RNF220: variants seen among roughly 807,000 people sequenced by gnomAD.
RNF220 encodes E3 ubiquitin-protein ligase RNF220.
Under a neutral mutation model 67.1 loss-of-function variants are expected in RNF220, and 7 were observed. The observed-to-expected ratio is 0.10, with a 90% CI of 0.06 to 0.20. The LOEUF is 0.20. RNF220 is among the 10% of genes least tolerant of loss of function. The pLI is 1.00. For missense variants in RNF220, 565 were observed against 740.3 expected, an observed-to-expected ratio of 0.76 and a Z score of 2.75; for synonymous variants, 270 against 283.2, an observed-to-expected ratio of 0.95 and a Z score of 0.47.
At chr1:44,407,918 C>T (rs1203306269) in intron 1 of RNF220, among the ~76,000 whole-genome samples, 2 of 152,156 alleles carry the variant, frequency 1.3e-5, no homozygotes, top group Admixed American at 6.5e-5. Flanking sequence ...GAGCCCCTGC[C>T]CCGCGGGCCC....
rs901956453 is a variant in RNF220 at position 44,651,312 on chromosome 1, A to G, written c.*537A>G. 14 of 177,378 alleles carry G rather than the reference A, an allele frequency of 7.9e-5. No homozygotes were observed. Among genetic ancestry groups the G allele is most frequent in the Admixed American group, 4.3e-4 (8 of 18,576 alleles). 11.0% of individuals were successfully genotyped at this position (177,378 alleles called of 1,614,324 possible). ...GCTCGGCCCATCCACCTCTTGGGGT[A>G]CCTGCCTCTCTCTCTCCTGTGGTGT... On this transcript the variant is annotated 3_prime_UTR_variant, in exon 15 of 15. Coordinates refer to ENST00000361799, the MANE Select transcript of RNF220 (RefSeq NM_018150.4).
rs1401877975 is a variant in RNF220 at position 44,651,431 on chromosome 1, G to A, written c.*656G>A. 1 of 154,258 alleles carries A rather than the reference G, an allele frequency of 6.5e-6. No homozygotes were observed. The highest frequency in any genetic ancestry group is 1.4e-5 in the Non-Finnish European group (1 of 69,030). 9.6% of individuals were successfully genotyped at this position (154,258 alleles called of 1,614,324 possible). On this transcript the variant is annotated 3_prime_UTR_variant, in exon 15 of 15. Coordinates refer to ENST00000361799, the MANE Select transcript of RNF220 (RefSeq NM_018150.4). ...CCCAAGGGACATGATCCTCTCCTTA[G>A]TCTTAGCTCATGGGGCTCTTTATAA...
chr1:44,610,604 G>T (rs1573036751), intron 2 of RNF220, among the ~76,000 whole-genome samples: 1 of 152,232 alleles, frequency 6.6e-6, no homozygotes, highest in East Asian at 1.9e-4. Flanking sequence ...GTTGGGGAGT[G>T]TCATGAGCTG....
At position 44,621,019 on chromosome 1, in the gene RNF220, G is replaced by A. The variant is rs1177540070; in HGVS notation, c.759-1723G>A. On this transcript the variant is annotated intron_variant, in intron 3 of 14. Coordinates refer to ENST00000361799, the MANE Select transcript of RNF220 (RefSeq NM_018150.4). This position sits in a 1 kb window ranked among gnomAD's most constrained non-coding sequence, Gnocchi z 4.8. ...CAACTTCTCCCTCCTGGATTCAAGCGATTCTCCTGCCTCAGCCTCCCGAGT... is the reference window on the plus strand; with the variant it reads ...CAACTTCTCCCTCCTGGATTCAAGCAATTCTCCTGCCTCAGCCTCCCGAGT... 6.6e-6 allele frequency among the ~76,000 whole-genome samples: 1 copy of A among 151,328 alleles called. No individual in the cohort carries two copies. Among genetic ancestry groups the A allele is most frequent in the Non-Finnish European group, 1.5e-5 (1 of 67,904 alleles).
Position 44,491,952 on chromosome 1 carries a change from C to T in RNF220, c.625+79230C>T, listed in dbSNP as rs1287882626. Among the ~76,000 whole-genome samples, 4 of 152,170 alleles carry T rather than the reference C, an allele frequency of 2.6e-5. No homozygotes were observed. The East Asian group carries it at 7.7e-4, about 29-fold the overall frequency. On this transcript the variant is annotated intron_variant, in intron 2 of 14. Transcript: ENST00000361799. ...GTGCTGGAATTACAGGTGTGAGCCA[C>T]TGTGCCTGGCTGGATATCCACTCTT...
intron 2 of RNF220, among the ~76,000 whole-genome samples, chr1:44,586,906 T>C (rs1052387146): frequency 1.1e-4 from 16 of 152,192 alleles, no homozygotes; most frequent in Admixed American, 1.3e-4. Flanking sequence ...AAGAGAGAAG[T>C]GGCTAACTCC....
At chr1:44,644,647 C>A (rs770481596) in intron 8 of RNF220, 51 bp from the exon 9 acceptor site, 2 of 1,479,158 alleles carry the variant, frequency 1.4e-6, no homozygotes, top group South Asian at 2.3e-5. Flanking sequence ...AGGAGGGGCA[C>A]CCTTGGCCTC....
At chr1:44,502,465 A>C (rs1487696483) in intron 2 of RNF220, among the ~76,000 whole-genome samples, 1 of 152,184 alleles carries the variant, frequency 6.6e-6, no homozygotes, top group South Asian at 2.1e-4. Flanking sequence ...GACATGTAAT[A>C]ACCATCTGCA....
chr1:44,471,722 C>T (rs1005596634), intron 2 of RNF220, among the ~76,000 whole-genome samples: 1 of 151,714 alleles, frequency 6.6e-6, no homozygotes, highest in Non-Finnish European at 1.5e-5. Flanking sequence ...CTTCTTGGAG[C>T]CTGAGGCAGG....
rs187393161 is a variant in RNF220 at position 44,621,831 on chromosome 1, G to C, written c.759-911G>C. ...TACCTCATATGTGTGTCTGTGCAGGGACCCTATGTGAATGGGCTGTGTCTG... is the reference window on the plus strand; with the variant it reads ...TACCTCATATGTGTGTCTGTGCAGGCACCCTATGTGAATGGGCTGTGTCTG... On this transcript the variant is annotated intron_variant, in intron 3 of 14. Transcript: ENST00000361799. This position sits in a 1 kb window ranked among gnomAD's most constrained non-coding sequence, Gnocchi z 4.8. 1.2e-4 allele frequency among the ~76,000 whole-genome samples: 18 copies of C among 152,296 alleles called. No individual in the cohort carries two copies. The East Asian group carries it at 3.5e-3, about 29-fold the overall frequency.
At chr1:44,552,568 T>TTTTTC (rs1662736194) in intron 2 of RNF220, among the ~76,000 whole-genome samples, 1 of 71,154 alleles carries the variant, frequency 1.4e-5, no homozygotes, top group Admixed American at 1.6e-4. Flanking sequence ...AACTTCTTCT[T>TTTTTC]TTTTTTTTTT....
chr1:44,431,843 A>T (rs904323182), intron 2 of RNF220, among the ~76,000 whole-genome samples: 4 of 152,186 alleles, frequency 2.6e-5, no homozygotes, highest in Non-Finnish European at 5.9e-5. Context: ...CCTGCTGCTG[A>T]TAGTAAGGCA....
chr1:44,585,904 A>C (rs112667615), intron 2 of RNF220, among the ~76,000 whole-genome samples: 4,078 of 152,110 alleles, frequency 0.027, 196 homozygotes, highest in African/African-American at 0.093. Flanking sequence ...GCCTAACATT[A>C]TACCCTGGCA....
chr1:44,499,418 C>T (rs1189504819), intron 2 of RNF220, among the ~76,000 whole-genome samples: 1 of 152,056 alleles, frequency 6.6e-6, no homozygotes, highest in Non-Finnish European at 1.5e-5. Context: ...TCCCTATTGC[C>T]AAATCCAACA....
chr1:44,627,101 C>CT (rs1463361191), intron 5 of RNF220: 1 of 142,368 alleles, frequency 7.0e-6, no homozygotes, highest in Non-Finnish European at 1.5e-5. Context: ...AATCCCAGCA[C>CT]TTTGAGAGGC....
Position 44,632,625 on chromosome 1 carries a change from G to T in RNF220, c.949+240G>T, listed in dbSNP as rs200806733. ...TCTCTAAAGGCCCTGAAGAACCCTG[G>T]GGGGGCAATAAGTGCCGGAGAATGA... On this transcript the variant is annotated intron_variant, in intron 6 of 14. Transcript: ENST00000361799. 7 of 496,452 alleles carry T rather than the reference G, an allele frequency of 1.4e-5. No homozygotes were observed. The East Asian group carries it at 1.5e-4, about 11-fold the overall frequency. 30.8% of individuals were successfully genotyped at this position (496,452 alleles called of 1,614,324 possible).
At chr1:44,510,030 G>T (rs1658848225) in intron 2 of RNF220, among the ~76,000 whole-genome samples, 1 of 152,056 alleles carries the variant, frequency 6.6e-6, no homozygotes, top group African/African-American at 2.4e-5. Context: ...TTGAGCCCAG[G>T]AGTTTGAGAC....
intron 2 of RNF220, among the ~76,000 whole-genome samples, chr1:44,496,541 C>T (rs1657360615): frequency 6.6e-6 from 1 of 152,212 alleles, no homozygotes; most frequent in Admixed American, 6.5e-5. Context: ...CTCTCAATCC[C>T]ATGCTGCAGA....
chr1:44,510,815 G>A (rs911885140), intron 2 of RNF220, among the ~76,000 whole-genome samples: 2 of 152,104 alleles, frequency 1.3e-5, no homozygotes, highest in African/African-American at 4.8e-5. Flanking sequence ...AGGCACTAAG[G>A]GGCTTAATAC....
Sources: gnomAD v4.1 joint callset for allele counts (sites outside exome capture counted in the v4.1 genomes callset) on GRCh38, gnomAD v4.1.1 for gene constraint, Gnocchi (gnomAD v3.1) non-coding constraint, MANE v1.5 for transcripts, NCBI Gene and HGNC (gene_info 2026-07-23, HGNC 2026-07-21) for gene names.